Variants in CHKA observed in about 807,000 individuals in gnomAD.
CHKA encodes choline kinase alpha, also known as CHETK-alpha.
A neutral mutation model predicts 60.1 loss-of-function variants in CHKA; 34 were observed. That is an observed-to-expected ratio of 0.57 (90% CI 0.43 to 0.75). The LOEUF is 0.75. CHKA is among the 30% of genes least tolerant of loss of function. The pLI, the probability that CHKA is intolerant of heterozygous loss-of-function variation, is 0.00. For synonymous variants in CHKA, 217 were observed against 223.1 expected, an observed-to-expected ratio of 0.97 and a Z score of 0.24; for missense variants, 563 against 561.3, an observed-to-expected ratio of 1.00 and a Z score of -0.03.
rs1463730861 is a variant in CHKA at position 68,064,607 on chromosome 11, G to A, written c.1150C>T (p.Pro384Ser). ...TTTTCAAAGTCATTTTGGAATGCAG[G>A]CAAGTAACTGGAAATAAAATGGAGC... ...QQLHFISSYL[P>S]AFQNDFENLS... Residue 384 changes from proline (P) to serine (S), a missense_variant, in exon 10 of 12, where the codon CCT (proline) becomes TCT (serine). Physicochemically the swap from Pro to Ser is moderately conservative, Grantham distance 74. Transcript: ENST00000265689. The A allele has an allele frequency of 4.4e-6, 7 of 1,590,250 alleles. No homozygotes were observed. The highest frequency in any genetic ancestry group is 4.1e-5 in the African/African-American group (3 of 73,696).
chr11:68,104,611 T>C (rs982975899), intron 1 of CHKA, among the ~76,000 whole-genome samples: 1 of 151,826 alleles, frequency 6.6e-6, no homozygotes, highest in African/African-American at 2.4e-5. Context: ...TTAGTACAGA[T>C]AGGGTTGCAC....
At chr11:68,118,161 G>T (rs112286482) in intron 1 of CHKA, among the ~76,000 whole-genome samples, 5 of 152,186 alleles carry the variant, frequency 3.3e-5, no homozygotes, top group Admixed American at 3.3e-4. Context: ...ACGGATCGGG[G>T]CCAGGTATGG....
intron 2 of CHKA, among the ~76,000 whole-genome samples, chr11:68,095,545 T>C (rs564636924): frequency 1.4e-5 from 2 of 138,584 alleles, no homozygotes; most frequent in East Asian, 2.2e-4. Flanking sequence ...CCGTCTCTAC[T>C]AAAAATACAA....
chr11:68,100,273 A>G (rs1488006797), intron 1 of CHKA, among the ~76,000 whole-genome samples: 1 of 152,230 alleles, frequency 6.6e-6, no homozygotes, highest in Non-Finnish European at 1.5e-5. Context: ...CTGGCATAAT[A>G]GCTTTATAAG....
chr11:68,112,432 G>C (rs1466110042), intron 1 of CHKA, among the ~76,000 whole-genome samples: 2 of 152,010 alleles, frequency 1.3e-5, no homozygotes, highest in Non-Finnish European at 2.9e-5. Context: ...TAATTTTTTT[G>C]TATTTCTAGA....
At chr11:68,060,231 A>C (rs1856183975) in intron 11 of CHKA, among the ~76,000 whole-genome samples, 1 of 150,794 alleles carries the variant, frequency 6.6e-6, no homozygotes, top group South Asian at 2.1e-4. Context: ...ACGGGGTTTC[A>C]CCGTGTTTGC....
At chr11:68,081,714 C>A (rs533047650) in intron 2 of CHKA, 26 of 387,242 alleles carry the variant, frequency 6.7e-5, no homozygotes, top group Non-Finnish European at 1.2e-4. Context: ...CGTCTCACAG[C>A]CGCCCCATGT....
intron 11 of CHKA, among the ~76,000 whole-genome samples, chr11:68,058,964 T>C (rs1220482891): frequency 6.6e-6 from 1 of 152,182 alleles, no homozygotes; most frequent in Non-Finnish European, 1.5e-5. Flanking sequence ...TGGCGTGATC[T>C]CGGCTCACTG....
rs1383292947 is a variant in CHKA, at chr11:68,109,079, T to C, written c.350+11749A>G. ...AGGGGCAAAGAAACCTTTCCTTTTTTCTTTTCCTTTTTTTTTTTTTTTTTT... is the reference window on the plus strand; with the variant it reads ...AGGGGCAAAGAAACCTTTCCTTTTTCCTTTTCCTTTTTTTTTTTTTTTTTT... On this transcript the variant is annotated intron_variant, in intron 1 of 11. Transcript: ENST00000265689. 2.0e-5 allele frequency among the ~76,000 whole-genome samples: 3 copies of C among 150,720 alleles called. No individual in the cohort carries two copies. The East Asian group carries it at 5.8e-4, about 29-fold the overall frequency.
At chr11:68,104,642 G>A (rs568191619) in intron 1 of CHKA, among the ~76,000 whole-genome samples, 24 of 151,866 alleles carry the variant, frequency 1.6e-4, no homozygotes, top group Non-Finnish European at 3.2e-4. Context: ...AGCTGGTCTC[G>A]AACTCCTGAC....
chr11:68,065,734 A>C, intron 9 of CHKA, 52 bp downstream of exon 9: 4 of 1,222,362 alleles, frequency 3.3e-6, no homozygotes, highest in Non-Finnish European at 4.8e-6. Context: ...TTCTAACTGC[A>C]TGAAATTGAC....
At chr11:68,068,746 T>TCAC in intron 7 of CHKA, 133 bp downstream of exon 7, 1 of 603,870 alleles carries the variant, frequency 1.7e-6, no homozygotes. Flanking sequence ...ATACAAAACC[T>TCAC]CATTGTCTGG....
intron 2 of CHKA, chr11:68,089,831 G>A (rs2134633269): frequency 1.3e-5 from 2 of 152,302 alleles, no homozygotes; most frequent in South Asian, 4.1e-4. Context: ...CGTGAATCGT[G>A]TCTGTCACCT....
At chr11:68,093,937 G>C (rs1464340533) in intron 2 of CHKA, among the ~76,000 whole-genome samples, 1 of 152,154 alleles carries the variant, frequency 6.6e-6, no homozygotes, top group Non-Finnish European at 1.5e-5. Context: ...GGCTGATGAC[G>C]AGTGTATCAG....
At position 68,105,079 on chromosome 11, in the gene CHKA, C is replaced by T. The variant is rs77530266; in HGVS notation, c.351-7949G>A. ...AGATCGTACCATTGCACTCCAGCCTCGGCAACAGAGTGAAACTCCATCTCA... is the reference window on the plus strand; with the variant it reads ...AGATCGTACCATTGCACTCCAGCCTTGGCAACAGAGTGAAACTCCATCTCA... On this transcript the variant is annotated intron_variant, in intron 1 of 11. Coordinates refer to ENST00000265689, the MANE Select transcript of CHKA (RefSeq NM_001277.3). Among the ~76,000 whole-genome samples, 1,476 of 150,706 alleles carry T rather than the reference C, an allele frequency of 9.8e-3. 123 individuals carry two copies. The East Asian group carries it at 0.2, about 21-fold the overall frequency.
chr11:68,078,937 ATAT>A (rs146140079), intron 3 of CHKA, among the ~76,000 whole-genome samples: 3,200 of 151,440 alleles, frequency 0.021, 104 homozygotes, highest in African/African-American at 0.069. Context: ...TTTTTTGGAG[ATAT>A]TATTATTATT....
At chr11:68,108,527 G>GT (rs1590880646) in intron 1 of CHKA, among the ~76,000 whole-genome samples, 1 of 152,172 alleles carries the variant, frequency 6.6e-6, no homozygotes, top group East Asian at 1.9e-4. Context: ...GGAGGATCAC[G>GT]AGGTCAGGAG....
intron 6 of CHKA, among the ~76,000 whole-genome samples, chr11:68,069,684 T>TA (rs750513064): frequency 0.015 from 1,449 of 96,456 alleles, 8 homozygotes; most frequent in Admixed American, 0.033. Flanking sequence ...CTCCGTCTTA[T>TA]AAAAAAAAAA....
chr11:68,121,196 G>T lies in CHKA; in HGVS notation c.-19C>A. On this transcript the variant is annotated 5_prime_UTR_variant, in exon 1 of 12. Coordinates refer to ENST00000265689, the MANE Select transcript of CHKA (RefSeq NM_001277.3). ...TTTTCATGCCCGACAGGCGGCCGAG[G>T]AGGCGCGGGCGGCCGCAGCGCGAGA... is the stretch of plus-strand genomic sequence containing the variant. 22 of 1,161,852 alleles carry T rather than the reference G, an allele frequency of 1.9e-5. No homozygotes were observed. The highest frequency in any genetic ancestry group is 2.2e-5 in the Non-Finnish European group (21 of 941,470). The allele number at this position is 1,161,852 out of a possible 1,614,324, so 72.0% of individuals were successfully genotyped here. A position where few individuals can be genotyped will look rare whatever the true frequency, so the allele number is the denominator to read the frequency against.
Sources: gnomAD v4.1 joint callset for allele counts (sites outside exome capture counted in the v4.1 genomes callset) on GRCh38, gnomAD v4.1.1 for gene constraint, MANE v1.5 for transcripts, NCBI Gene and HGNC (gene_info 2026-07-23, HGNC 2026-07-21) for gene names.